The following SPNS3 variants were observed in gnomAD, a reference collection of about 807,000 sequenced individuals.
SPNS3 encodes SPNS lysolipid transporter 3, sphingosine-1-phosphate (putative).
SPNS3 carries 51 observed loss-of-function variants against 54.4 expected under a neutral mutation model. The observed-to-expected ratio is 0.94, with a 90% CI of 0.75 to 1.18. SPNS3 has a LOEUF of 1.18. Among genes scored for constraint, SPNS3 ranks in the 50% most tolerant of loss-of-function variants. The pLI, the probability that SPNS3 is intolerant of heterozygous loss-of-function variation, is 0.00. For synonymous variants in SPNS3, 309 were observed against 294.7 expected, an observed-to-expected ratio of 1.05 and a Z score of -0.50; for missense variants, 669 against 677.4, an observed-to-expected ratio of 0.99 and a Z score of 0.14.
At chr17:4,469,597 C>T (rs375413425) in intron 8 of SPNS3, among the ~76,000 whole-genome samples, 3 of 129,292 alleles carry the variant, frequency 2.3e-5, no homozygotes, top group Admixed American at 9.6e-5. Context: ...CCAGCCTGGG[C>T]GACAGAGCGA....
Position 4,486,321 on chromosome 17 carries a change from G to A in SPNS3, c.1273G>A (p.Gly425Arg), listed in dbSNP as rs537260481. ...AGACGCTGGCAGCCCCTATCTCACA[G>A]GACTTGTAAGACGTGTCTGCGTGTG... is the stretch of plus-strand genomic sequence containing the variant. ...LGDAGSPYLT[G>R]LISSVLRARR... The change falls in exon 10 of 12, where the codon GGA (glycine) becomes AGA (arginine). Residue 425 changes from glycine to arginine, a missense_variant. Gly to Arg is a moderately radical substitution (Grantham distance 125). Coordinates refer to ENST00000355530, the MANE Select transcript of SPNS3 (RefSeq NM_182538.5). The surrounding 1 kb of genome is among the most constrained non-coding windows in gnomAD (Gnocchi z 5.5). 2 of 1,600,440 alleles carry A rather than the reference G, an allele frequency of 1.2e-6. No individual in the cohort carries two copies. Among genetic ancestry groups the A allele is most frequent in the South Asian group, 2.2e-5 (2 of 89,164 alleles).
chr17:4,452,864 C>T (rs1402155842), intron 7 of SPNS3, 152 bp from the exon 8 acceptor site: 1 of 676,364 alleles, frequency 1.5e-6, no homozygotes, highest in African/African-American at 1.8e-5. Context: ...GGGTAAGGTT[C>T]TGGGTCAGGT....
Position 4,477,014 on chromosome 17 carries a change from G to A in SPNS3, c.1114-1558G>A, listed in dbSNP as rs557536521. On this transcript the variant is annotated intron_variant, in intron 8 of 11. Transcript: ENST00000355530. ...ACTGTCCTTCAGGGCTCTCCCTGGC[G>A]CCACCTCTGTCCAGGGGCCCCCTGC... 4.6e-5 allele frequency among the ~76,000 whole-genome samples: 7 copies of A among 152,206 alleles called. 1 individual carries two copies. The South Asian group carries it at 6.2e-4, about 14-fold the overall frequency.
chr17:4,445,775 G>A (rs547366803), intron 3 of SPNS3, among the ~76,000 whole-genome samples: 33 of 152,028 alleles, frequency 2.2e-4, no homozygotes, highest in Non-Finnish European at 4.3e-4. Context: ...TGGGGCTGGG[G>A]GTAACAGCTG....
At chr17:4,463,570 A>T (rs1287916514) in intron 8 of SPNS3, among the ~76,000 whole-genome samples, 1 of 151,606 alleles carries the variant, frequency 6.6e-6, no homozygotes. Flanking sequence ...CCCTGTCCCC[A>T]CTAAAAATAT....
At chr17:4,445,879 G>A (rs377558653) in intron 3 of SPNS3, among the ~76,000 whole-genome samples, 169 bp from the exon 4 acceptor site, 13 of 152,040 alleles carry the variant, frequency 8.6e-5, no homozygotes, top group African/African-American at 2.2e-4. Context: ...GGGGACACAC[G>A]TTTGACTTTG....
chr17:4,453,848 G>T (rs1418536173), intron 8 of SPNS3, among the ~76,000 whole-genome samples: 1 of 152,198 alleles, frequency 6.6e-6, no homozygotes, highest in Non-Finnish European at 1.5e-5. Context: ...GCCCAGATTG[G>T]TTATGGCCAA....
At chr17:4,479,596 C>A (rs747058409) in intron 9 of SPNS3, among the ~76,000 whole-genome samples, 1 of 152,278 alleles carries the variant, frequency 6.6e-6, no homozygotes, top group East Asian at 1.9e-4. Flanking sequence ...GGCCTGTGAG[C>A]ACCCTGAGAG....
chr17:4,449,199 C>T, intron 6 of SPNS3, 36 bp from the exon 7 acceptor site: 2 of 1,602,436 alleles, frequency 1.2e-6, no homozygotes, highest in Non-Finnish European at 1.7e-6. Flanking sequence ...AGCCCCAGCC[C>T]TCTCCCAACT....
chr17:4,446,900 C>G lies in SPNS3; in HGVS notation c.559C>G (p.Leu187Val). Residue 187 changes from leucine to valine, a missense_variant, in exon 5 of 12, where the codon CTG (leucine) becomes GTG (valine). By Grantham distance (32) the Leu-to-Val change is conservative (BLOSUM62 1). Transcript: ENST00000355530. ...FYIFIPVGSG[L>V]GYVLGSAVTM... ...GCCCCTGCCCCTTTGTTGCAGTGGT[C>G]TGGGCTACGTGCTGGGGTCGGCTGT... The G allele has an allele frequency of 6.2e-7, 1 of 1,614,062 alleles. No individual in the cohort carries two copies. Among genetic ancestry groups the G allele is most frequent in the Non-Finnish European group, 8.5e-7 (1 of 1,179,984 alleles).
intron 8 of SPNS3, among the ~76,000 whole-genome samples, chr17:4,463,346 G>A (rs138835171): frequency 0.012 from 1,734 of 149,744 alleles, 35 homozygotes; most frequent in African/African-American, 0.041. Flanking sequence ...GCAGTGAGCC[G>A]AGATTGCGCC....
At chr17:4,448,394 C>T in intron 6 of SPNS3, 91 bp downstream of exon 6, 1 of 1,267,390 alleles carries the variant, frequency 7.9e-7, no homozygotes, top group Non-Finnish European at 1.0e-6. Flanking sequence ...TCCAGGGAGC[C>T]CTCCCTGGTT....
intron 3 of SPNS3, among the ~76,000 whole-genome samples, chr17:4,445,688 CT>C (rs1970966133): frequency 6.6e-6 from 1 of 152,044 alleles, no homozygotes; most frequent in Non-Finnish European, 1.5e-5. Flanking sequence ...AGCCAGTGGA[CT>C]TTCTTAACAG....
At chr17:4,471,743 G>A (rs958594213) in intron 8 of SPNS3, among the ~76,000 whole-genome samples, 1 of 152,230 alleles carries the variant, frequency 6.6e-6, no homozygotes. Flanking sequence ...TGGGATTACA[G>A]GCATGTACCA....
chr17:4,447,605 T>C (rs1258544336), intron 5 of SPNS3, among the ~76,000 whole-genome samples: 2 of 152,030 alleles, frequency 1.3e-5, no homozygotes, highest in African/African-American at 2.4e-5. Context: ...ATTTGGAATT[T>C]TGGGGGTGGG....
chr17:4,442,181 T>C (rs1970870127), intron 2 of SPNS3, among the ~76,000 whole-genome samples: 1 of 152,034 alleles, frequency 6.6e-6, no homozygotes, highest in Admixed American at 6.6e-5. Context: ...ACCCAGCCTG[T>C]TGTCTGTCCA....
At chr17:4,451,848 T>G (rs887815983) in intron 7 of SPNS3, among the ~76,000 whole-genome samples, 3 of 151,540 alleles carry the variant, frequency 2.0e-5, no homozygotes, top group African/African-American at 7.3e-5. Context: ...TTTGTATTTT[T>G]TTTTTTTTTT....
intron 8 of SPNS3, among the ~76,000 whole-genome samples, chr17:4,457,616 G>A (rs1467586497): frequency 1.3e-5 from 2 of 152,180 alleles, no homozygotes; most frequent in Non-Finnish European, 1.5e-5. Flanking sequence ...GGCAGATGGA[G>A]GCCCCATCAA....
At chr17:4,478,893 A>G (rs1174730843) in intron 9 of SPNS3, among the ~76,000 whole-genome samples, 1 of 152,212 alleles carries the variant, frequency 6.6e-6, no homozygotes, top group Non-Finnish European at 1.5e-5. Flanking sequence ...GCCCCAACGC[A>G]GGGAGCCAGG....
Sources: gnomAD v4.1 joint callset for allele counts (sites outside exome capture counted in the v4.1 genomes callset) on GRCh38, gnomAD v4.1.1 for gene constraint, Gnocchi (gnomAD v3.1) non-coding constraint, MANE v1.5 for transcripts, NCBI Gene and HGNC (gene_info 2026-07-23, HGNC 2026-07-21) for gene names.